SNRPN: variants seen among roughly 807,000 people sequenced by gnomAD.
SNRPN encodes the protein small nuclear ribonucleoprotein polypeptide N, also known as small nuclear ribonucleoprotein-associated protein N.
In SNRPN, 7 loss-of-function variants were observed where a neutral mutation model predicts 25.2. That is an observed-to-expected ratio of 0.28 (90% CI 0.16 to 0.52). The LOEUF is 0.52. SNRPN is among the 20% of genes least tolerant of loss of function. SNRPN has a pLI of 0.96. For missense variants in SNRPN, 196 were observed against 322.5 expected (o/e 0.61, Z 3.00); for synonymous variants, 124 against 110.6 (o/e 1.12, Z -0.76).
chr15:24,874,954 C>T lies in SNRPN; in HGVS notation c.-578-11562C>T, dbSNP rs553400569. ...TCATAGAAGTGATATAAGACTAATACCTGCATTTATAGTAGTTGAAAGTTT... is the reference window on the plus strand; with the variant it reads ...TCATAGAAGTGATATAAGACTAATATCTGCATTTATAGTAGTTGAAAGTTT... On this transcript the variant is annotated intron_variant, in intron 1 of 11. Coordinates refer to the SNRPN transcript ENST00000400097. 6.1e-4 allele frequency among the ~76,000 whole-genome samples: 93 copies of T among 152,066 alleles called. No individual in the cohort carries two copies. In the South Asian group the frequency reaches 0.018, roughly 30 times the overall value.
rs2055225232 is a variant in SNRPN, at chr15:24,872,308, C to T, written c.-578-14208C>T. Among the ~76,000 whole-genome samples the T allele has an allele frequency of 5.0e-5, 6 of 119,006 alleles. 2 individuals carry two copies. Among genetic ancestry groups the T allele is most frequent in the Admixed American group, 3.7e-4 (4 of 10,720 alleles). The allele number at this position is 119,006 out of a possible 152,430, so 78.1% of individuals were successfully genotyped here. ...TCAGCCTCCCAAGAGGCTAGGATTA[C>T]AGGTGCCTGCCACCACACTAGGCTA... is the stretch of plus-strand genomic sequence containing the variant. On this transcript the variant is annotated intron_variant, in intron 1 of 11. Transcript: ENST00000400097.
At chr15:24,971,379 G>T (rs981515298) in intron 3 of SNRPN, among the ~76,000 whole-genome samples, 1 of 152,090 alleles carries the variant, frequency 6.6e-6, no homozygotes, top group Non-Finnish European at 1.5e-5. Context: ...CACTTACAAG[G>T]TCATGACTAC....
At chr15:24,911,311 T>A (rs1293127364) in intron 2 of SNRPN, among the ~76,000 whole-genome samples, 1 of 152,190 alleles carries the variant, frequency 6.6e-6, no homozygotes, top group African/African-American at 2.4e-5. Flanking sequence ...ATGACTAGAA[T>A]GCCAGATGCT....
chr15:24,922,707 G>C (rs1313082601), intron 3 of SNRPN, among the ~76,000 whole-genome samples: 2 of 151,800 alleles, frequency 1.3e-5, no homozygotes, highest in Non-Finnish European at 2.9e-5. Flanking sequence ...ATTTATCCAT[G>C]TTGTGTGTAA....
At chr15:24,956,682 C>T (rs1185018456) in intron 1 of SNRPN, among the ~76,000 whole-genome samples, 1 of 152,188 alleles carries the variant, frequency 6.6e-6, no homozygotes, top group African/African-American at 2.4e-5. Context: ...CTGTTCCTTT[C>T]CGGTTGTGGC....
chr15:24,923,154 C>G (rs2060138138), intron 3 of SNRPN, among the ~76,000 whole-genome samples: 1 of 152,090 alleles, frequency 6.6e-6, no homozygotes. Flanking sequence ...GATCTGCCTG[C>G]CTCAGCCTCC....
intron 2 of SNRPN, chr15:24,909,721 T>C: frequency 8.0e-7 from 1 of 1,250,946 alleles, no homozygotes; most frequent in South Asian, 1.2e-5. Flanking sequence ...TCACCAAGCG[T>C]TTCCGAGTAT....
intron 2 of SNRPN, among the ~76,000 whole-genome samples, chr15:24,838,327 G>A (rs1162679506): frequency 6.6e-6 from 1 of 152,170 alleles, no homozygotes; most frequent in Admixed American, 6.5e-5. Context: ...GAGCCACCAT[G>A]CCCGGCGCCA....
At chr15:24,851,511 G>A (rs1350560444) in intron 2 of SNRPN, 1 of 153,008 alleles carries the variant, frequency 6.5e-6, no homozygotes, top group Non-Finnish European at 1.5e-5. Flanking sequence ...GAAGGGGACA[G>A]TGGATTAGAA....
chr15:24,871,318 T>C (rs1389232944), intron 1 of SNRPN, among the ~76,000 whole-genome samples: 3 of 152,016 alleles, frequency 2.0e-5, no homozygotes, highest in Admixed American at 1.3e-4. Flanking sequence ...AGAAATTCCA[T>C]CTACTTCACC....
chr15:24,896,126 A>G (rs914116317), intron 2 of SNRPN, among the ~76,000 whole-genome samples: 2 of 152,216 alleles, frequency 1.3e-5, no homozygotes, highest in African/African-American at 4.8e-5. Context: ...TTGCAACCCA[A>G]GTTAGAACAG....
At chr15:24,827,866 CA>C (rs5811361) in intron 1 of SNRPN, among the ~76,000 whole-genome samples, 106,189 of 135,144 alleles carry the variant, frequency 0.79, 41,439 homozygotes, top group East Asian at 0.9. Context: ...GACTCCATCT[CA>C]AAAAAAAAAA....
intron 2 of SNRPN, among the ~76,000 whole-genome samples, chr15:24,833,469 A>C (rs867222215): frequency 6.0e-4 from 91 of 152,078 alleles, no homozygotes; most frequent in Admixed American, 4.6e-4. Flanking sequence ...CAAAGAAAAA[A>C]GTTCCCCTTT....
intron 1 of SNRPN, among the ~76,000 whole-genome samples, chr15:24,825,918 C>G (rs1335067075): frequency 6.6e-6 from 1 of 152,084 alleles, no homozygotes; most frequent in African/African-American, 2.4e-5. Context: ...ACAGGTTTAT[C>G]AGACGCATAT....
At chr15:24,826,094 G>C (rs2050059338) in intron 1 of SNRPN, among the ~76,000 whole-genome samples, 1 of 152,008 alleles carries the variant, frequency 6.6e-6, no homozygotes, top group South Asian at 2.1e-4. Context: ...TAAGATGAAA[G>C]AGTTGAAGGC....
chr15:24,921,737 C>T (rs1223128438), intron 3 of SNRPN, among the ~76,000 whole-genome samples: 1 of 152,204 alleles, frequency 6.6e-6, no homozygotes, highest in Non-Finnish European at 1.5e-5. Context: ...GGCCAACTCA[C>T]TTGGCCTATT....
chr15:24,863,091 C>G (rs878928749), intron 1 of SNRPN, among the ~76,000 whole-genome samples: 2 of 150,282 alleles, frequency 1.3e-5, no homozygotes, highest in East Asian at 3.9e-4. Flanking sequence ...ACAAGGAAGA[C>G]AGTTGGAACA....
intron 1 of SNRPN, among the ~76,000 whole-genome samples, chr15:24,864,332 T>C (rs560719475): frequency 1.6e-3 from 150 of 96,126 alleles, no homozygotes; most frequent in Non-Finnish European, 2.4e-3. Flanking sequence ...CCGGCCCCTC[T>C]TCTTTTCTTT....
In SNRPN at chr15:24,835,742, G is replaced by A. The variant is rs985505540; in HGVS notation, c.-579+5837G>A. Among the ~76,000 whole-genome samples the A allele has an allele frequency of 2.0e-5, 3 of 152,100 alleles. 1 individual carries two copies. Among genetic ancestry groups the A allele is most frequent in the African/African-American group, 7.3e-5 (3 of 41,358 alleles). On this transcript the variant is annotated intron_variant, in intron 2 of 12. Coordinates refer to the SNRPN transcript ENST00000400100. The stretch of plus-strand genomic sequence containing the variant: ...TTTAAACGTACCATGGGGAAGAAAG[G>A]TCCAGAACCTATGCGCGGAGTATGT...
Sources: gnomAD v4.1 joint callset for allele counts (sites outside exome capture counted in the v4.1 genomes callset) on GRCh38, gnomAD v4.1.1 for gene constraint, MANE v1.5 for transcripts, NCBI Gene and HGNC (gene_info 2026-07-23, HGNC 2026-07-21) for gene names.